DST: variants seen among roughly 807,000 people sequenced by gnomAD.
DST encodes bullous pemphigoid antigen.
Under a neutral mutation model 875.2 loss-of-function variants are expected in DST, and 253 were observed. The ratio of observed to expected loss-of-function variants is 0.29; its 90% CI spans 0.26 to 0.32. DST has a LOEUF of 0.32. DST is among the 10% of genes least tolerant of loss of function. DST has a pLI of 1.00. For missense variants in DST, 8,287 were observed against 9,111.6 expected (o/e 0.91, Z 3.68); for synonymous variants, 3,124 against 3,197.1 (o/e 0.98, Z 0.77).
intron 49 of DST, among the ~76,000 whole-genome samples, chr6:56,584,008 G>C (rs1195774920): frequency 6.6e-6 from 1 of 152,188 alleles, no homozygotes; most frequent in African/African-American, 2.4e-5. Context: ...TTGTAGTATA[G>C]TTTGAAGTCA....
At chr6:56,801,556 AC>A (rs1305525301) in intron 4 of DST, among the ~76,000 whole-genome samples, 2 of 151,916 alleles carry the variant, frequency 1.3e-5, no homozygotes, top group Non-Finnish European at 2.9e-5. Context: ...TCTCTTCCCC[AC>A]CCCAACCCGC....
At chr6:56,459,297 C>T in intron 103 of DST, 30 bp from the exon 104 acceptor site, 1 of 1,592,698 alleles carries the variant, frequency 6.3e-7, no homozygotes, top group Non-Finnish European at 8.6e-7. Context: ...ACAGCTCACC[C>T]TTATTATTGG....
At chr6:56,772,644 C>T (rs1390185810) in intron 4 of DST, among the ~76,000 whole-genome samples, 1 of 152,122 alleles carries the variant, frequency 6.6e-6, no homozygotes, top group Non-Finnish European at 1.5e-5. Flanking sequence ...ATTAGTGGAG[C>T]AGAACAATTA....
At chr6:56,617,849 G>T in intron 36 of DST, 1 of 729,384 alleles carries the variant, frequency 1.4e-6, no homozygotes, top group Non-Finnish European at 2.4e-6. Flanking sequence ...AAAGAGTATA[G>T]CATTATTTTC....
intron 2 of DST, among the ~76,000 whole-genome samples, chr6:56,949,325 ACT>A (rs1404956433): frequency 5.9e-5 from 9 of 152,138 alleles, no homozygotes; most frequent in African/African-American, 1.7e-4. Context: ...GGTAGTGTTG[ACT>A]CTGGTATGAT....
At chr6:56,926,665 T>C (rs1263040543) in intron 2 of DST, among the ~76,000 whole-genome samples, 2 of 152,210 alleles carry the variant, frequency 1.3e-5, no homozygotes, top group African/African-American at 4.8e-5. Flanking sequence ...ATTCCACCTT[T>C]TCCTTTACTC....
intron 4 of DST, among the ~76,000 whole-genome samples, chr6:56,752,733 T>C (rs2099591217): frequency 6.6e-6 from 1 of 152,244 alleles, no homozygotes; most frequent in Non-Finnish European, 1.5e-5. Context: ...TAAGGCTGTT[T>C]GGACACTTTC....
chr6:56,712,090 C>CAAAAAAAAAAAAAAAAAAAAAAAAA (rs34769867), intron 5 of DST, among the ~76,000 whole-genome samples: 3 of 76,520 alleles, frequency 3.9e-5, no homozygotes, highest in Non-Finnish European at 9.5e-5. Context: ...GACTCCGTCT[C>CAAAAAAAAAAAAAAAAAAAAAAAAA]AAAAAAAAAA....
intron 5 of DST, among the ~76,000 whole-genome samples, chr6:56,706,902 C>T (rs35687635): frequency 1.8e-4 from 27 of 151,876 alleles, no homozygotes; most frequent in Admixed American, 3.9e-4. Flanking sequence ...CTACTTGGGA[C>T]GCTGAGGCAG....
In DST at chr6:56,790,980, A is replaced by G. The variant is rs78286306; in HGVS notation, c.626-55691T>C. Among the ~76,000 whole-genome samples the G allele has an allele frequency of 3.4e-3, 515 of 152,302 alleles. 4 individuals carry two copies. The highest frequency in any genetic ancestry group is 0.012 in the African/African-American group (500 of 41,568). ...ACCTAACAAATTCCTTCCCACTTAG[A>G]AAGGTTGAAGGTGAGAGACAAGATG... is the stretch of plus-strand genomic sequence containing the variant. On this transcript the variant is annotated intron_variant, in intron 4 of 103. Coordinates refer to ENST00000680361, the MANE Select transcript of DST (RefSeq NM_001374736.1).
rs1427692022 is a variant in DST at position 56,627,981 on chromosome 6, G to A, written c.4638+18C>T. 1 of 1,611,888 alleles carries A rather than the reference G, an allele frequency of 6.2e-7. No individual in the cohort carries two copies. The highest frequency in any genetic ancestry group is 1.7e-5 in the Admixed American group (1 of 59,994). Reference sequence around the variant, plus strand: ...AAATGCAGACATAACCTCAGTAGAGGGAATTATTTTTACATACCTTCTGTT... The same window carrying A: ...AAATGCAGACATAACCTCAGTAGAGAGAATTATTTTTACATACCTTCTGTT... On this transcript the variant is annotated intron_variant, in intron 33 of 103. Coordinates refer to ENST00000680361, the MANE Select transcript of DST (RefSeq NM_001374736.1).
intron 88 of DST, chr6:56,485,058 C>T: frequency 2.6e-6 from 1 of 386,780 alleles, no homozygotes; most frequent in Non-Finnish European, 4.6e-6. Flanking sequence ...AAATCACTTT[C>T]CAAGTTCTAA....
chr6:56,883,850 GATA>G (rs1327060056), intron 3 of DST, among the ~76,000 whole-genome samples: 24 of 151,884 alleles, frequency 1.6e-4, no homozygotes, highest in African/African-American at 4.8e-4. Context: ...ATCTCTAAAA[GATA>G]ATAATTATTT....
chr6:56,539,025 G>C (rs1033001248), intron 61 of DST, among the ~76,000 whole-genome samples: 2 of 152,096 alleles, frequency 1.3e-5, no homozygotes, highest in African/African-American at 2.4e-5. Flanking sequence ...TGGGGGCGGA[G>C]GGTGGGGGTG....
At chr6:56,706,655 C>A (rs996196301) in intron 5 of DST, among the ~76,000 whole-genome samples, 2 of 152,122 alleles carry the variant, frequency 1.3e-5, no homozygotes, top group African/African-American at 2.4e-5. Flanking sequence ...GATCATCAGG[C>A]ATTGGATTCT....
intron 62 of DST, 115 bp downstream of exon 62, chr6:56,536,664 T>C: frequency 9.4e-7 from 1 of 1,065,526 alleles, no homozygotes; most frequent in Non-Finnish European, 1.3e-6. Context: ...TACAGTAATA[T>C]AAAACAGTAG....
intron 2 of DST, among the ~76,000 whole-genome samples, chr6:56,912,518 C>T (rs1477061799): frequency 6.6e-6 from 1 of 152,174 alleles, no homozygotes; most frequent in African/African-American, 2.4e-5. Flanking sequence ...AAACCTTAGC[C>T]TTTATCCATA....
chr6:56,893,562 CTTTTTTT>C (rs1282483681), intron 3 of DST, among the ~76,000 whole-genome samples: 5 of 35,904 alleles, frequency 1.4e-4, no homozygotes, highest in Non-Finnish European at 2.5e-4. Flanking sequence ...ACTTTTAGTT[CTTTTTTT>C]TTTTTTTTTT....
At chr6:56,483,216 T>C (rs1432186298) in intron 88 of DST, among the ~76,000 whole-genome samples, 1 of 152,202 alleles carries the variant, frequency 6.6e-6, no homozygotes, top group Non-Finnish European at 1.5e-5. Flanking sequence ...AAATTCCTTT[T>C]CTTAATGATT....
Sources: allele counts gnomAD v4.1 joint callset (sites outside exome capture counted in the v4.1 genomes callset), GRCh38; gene constraint gnomAD v4.1.1; transcripts MANE v1.5; gene names NCBI Gene and HGNC (gene_info 2026-07-23, HGNC 2026-07-21).